FAR2: variants seen among roughly 807,000 people sequenced by gnomAD.
FAR2 encodes fatty acyl-CoA reductase 2.
Under a neutral mutation model 56.0 loss-of-function variants are expected in FAR2, and 19 were observed. The observed-to-expected ratio is 0.34, with a 90% confidence interval of 0.24 to 0.50. The LOEUF (loss-of-function observed/expected upper bound fraction) is 0.50. Among genes scored for constraint, FAR2 ranks in the 20% least tolerant of loss-of-function variants. The pLI is 0.98. For missense variants in FAR2, 508 were observed against 642.2 expected (o/e 0.79, Z 2.26); for synonymous variants, 219 against 218.8 (o/e 1.00, Z -0.01).
chr12:29,218,801 C>A (rs1421055633), intron 1 of FAR2, among the ~76,000 whole-genome samples: 2 of 152,118 alleles, frequency 1.3e-5, no homozygotes. Context: ...TAACGGCAAA[C>A]TTCTCAGAAA....
At chr12:29,296,120 G>T (rs1949067683) in intron 3 of FAR2, among the ~76,000 whole-genome samples, 1 of 152,116 alleles carries the variant, frequency 6.6e-6, no homozygotes, top group African/African-American at 2.4e-5. Context: ...GTACATTTCA[G>T]TTTTTTTAAA....
chr12:29,247,515 G>A (rs2136672259), intron 1 of FAR2, among the ~76,000 whole-genome samples: 1 of 152,232 alleles, frequency 6.6e-6, no homozygotes, highest in East Asian at 1.9e-4. Flanking sequence ...AGTTTATGGT[G>A]CTGAATCAAT....
At chr12:29,304,918 T>C (rs1949232310) in intron 4 of FAR2, among the ~76,000 whole-genome samples, 1 of 152,116 alleles carries the variant, frequency 6.6e-6, no homozygotes, top group Non-Finnish European at 1.5e-5. Context: ...TGCTAACTTA[T>C]TTACTGTTTT....
At chr12:29,250,772 A>T (rs1948196184) in intron 1 of FAR2, among the ~76,000 whole-genome samples, 2 of 152,202 alleles carry the variant, frequency 1.3e-5, no homozygotes, top group Admixed American at 6.5e-5. Context: ...TGTTAGGAGA[A>T]AATATAATGG....
At chr12:29,216,410 G>C (rs74076677) in intron 1 of FAR2, among the ~76,000 whole-genome samples, 7,800 of 152,248 alleles carry the variant, frequency 0.051, 225 homozygotes, top group South Asian at 0.082. Context: ...ACAGTTCATG[G>C]AGTTGATGGG....
chr12:29,273,861 C>T (rs1196958403), intron 2 of FAR2, among the ~76,000 whole-genome samples: 1 of 152,126 alleles, frequency 6.6e-6, no homozygotes, highest in Non-Finnish European at 1.5e-5. Flanking sequence ...AGCATGCTCA[C>T]TCACCACCTC....
chr12:29,167,887 A>G (rs949408584), intron 1 of FAR2, among the ~76,000 whole-genome samples: 3 of 152,184 alleles, frequency 2.0e-5, no homozygotes, highest in African/African-American at 7.2e-5. Flanking sequence ...TAACTATTAC[A>G]CCTCGTGTAA....
At chr12:29,150,396 T>C (rs781019208) in intron 1 of FAR2, among the ~76,000 whole-genome samples, 1 of 151,990 alleles carries the variant, frequency 6.6e-6, no homozygotes, top group Non-Finnish European at 1.5e-5. Flanking sequence ...AAGGACAGAG[T>C]AGGGTCAGAA....
chr12:29,187,339 A>C (rs1950053933), intron 1 of FAR2, among the ~76,000 whole-genome samples: 1 of 152,002 alleles, frequency 6.6e-6, no homozygotes, highest in South Asian at 2.1e-4. Flanking sequence ...TGCTTGGAGT[A>C]TTATATAATT....
chr12:29,303,909 G>A (rs781678968), intron 4 of FAR2, among the ~76,000 whole-genome samples: 4 of 152,126 alleles, frequency 2.6e-5, no homozygotes, highest in Non-Finnish European at 5.9e-5. Context: ...CAAATGGCAG[G>A]CCATTGGCAG....
chr12:29,235,567 G>A (rs1344443360), intron 1 of FAR2, among the ~76,000 whole-genome samples: 1 of 152,188 alleles, frequency 6.6e-6, no homozygotes, highest in Non-Finnish European at 1.5e-5. Flanking sequence ...TAAATCTATA[G>A]CAAATATAGA....
chr12:29,307,239 G>C (rs944430487), intron 4 of FAR2, among the ~76,000 whole-genome samples: 1 of 152,074 alleles, frequency 6.6e-6, no homozygotes, highest in Non-Finnish European at 1.5e-5. Flanking sequence ...CTCTAATATA[G>C]TACTAAAGTT....
At chr12:29,170,350 C>G (rs1003150149) in intron 1 of FAR2, among the ~76,000 whole-genome samples, 2 of 152,144 alleles carry the variant, frequency 1.3e-5, no homozygotes, top group Non-Finnish European at 2.9e-5. Flanking sequence ...GTTAGGAAAC[C>G]TGCTGGGTTA....
At chr12:29,329,483 C>T (rs1297527358) in intron 10 of FAR2, among the ~76,000 whole-genome samples, 1 of 152,176 alleles carries the variant, frequency 6.6e-6, no homozygotes, top group Non-Finnish European at 1.5e-5. Context: ...TTACCAAATT[C>T]TGGTGTGGCT....
intron 4 of FAR2, 82 bp from the exon 5 acceptor site, chr12:29,307,576 T>A (rs937928943): frequency 7.2e-7 from 1 of 1,380,270 alleles, no homozygotes. Context: ...AGGTGGAAGT[T>A]TTGTTTGATT....
intron 1 of FAR2, among the ~76,000 whole-genome samples, chr12:29,215,442 AGT>A (rs1947611219): frequency 6.6e-6 from 1 of 152,228 alleles, no homozygotes; most frequent in South Asian, 2.1e-4. Flanking sequence ...AAGCTCCCGT[AGT>A]CACAGGCATC....
intron 1 of FAR2, among the ~76,000 whole-genome samples, chr12:29,157,654 A>G (rs950200163): frequency 6.6e-6 from 1 of 152,186 alleles, no homozygotes; most frequent in African/African-American, 2.4e-5. Context: ...AGTTATAAAA[A>G]CACCCCACAT....
At chr12:29,251,991 G>A (rs564262958) in intron 1 of FAR2, among the ~76,000 whole-genome samples, 8 of 152,098 alleles carry the variant, frequency 5.3e-5, no homozygotes, top group Non-Finnish European at 1.2e-4. Flanking sequence ...GTCTTAGTTC[G>A]AGAGGGAGAA....
At chr12:29,196,099 T>C (rs898065055) in intron 1 of FAR2, among the ~76,000 whole-genome samples, 2 of 152,186 alleles carry the variant, frequency 1.3e-5, no homozygotes, top group Non-Finnish European at 2.9e-5. Flanking sequence ...AATTATCCAT[T>C]GATGATCACT....
Sources: gnomAD v4.1 joint callset for allele counts (sites outside exome capture counted in the v4.1 genomes callset) on GRCh38, gnomAD v4.1.1 for gene constraint, MANE v1.5 for transcripts, NCBI Gene and HGNC (gene_info 2026-07-23, HGNC 2026-07-21) for gene names.